MTURN: variants seen among roughly 807,000 people sequenced by gnomAD.
MTURN encodes the protein maturin.
MTURN carries 7 observed loss-of-function variants against 14.9 expected under a neutral mutation model. The observed-to-expected ratio is 0.47, with a 90% confidence interval of 0.27 to 0.88. MTURN has a LOEUF of 0.88. Ranked by LOEUF, MTURN falls within the 40% of genes least tolerant of loss-of-function variation. The pLI, the probability that MTURN is intolerant of heterozygous loss-of-function variation, is 0.14. For synonymous variants in MTURN, 69 were observed against 72.5 expected, an observed-to-expected ratio of 0.95 and a Z score of 0.25; for missense variants, 151 against 174.1, an observed-to-expected ratio of 0.87 and a Z score of 0.75.
intron 1 of MTURN, chr7:30,145,714 C>A: frequency 9.6e-7 from 1 of 1,036,392 alleles, no homozygotes; most frequent in Non-Finnish European, 1.3e-6. Context: ...ACTCACAGGC[C>A]GATCTGGGTA....
intron 1 of MTURN, among the ~76,000 whole-genome samples, chr7:30,143,551 G>C (rs182224098): frequency 6.6e-6 from 1 of 152,016 alleles, no homozygotes; most frequent in African/African-American, 2.4e-5. Flanking sequence ...GTGTACACCC[G>C]AATCTGAGTC....
chr7:30,145,704 A>T, intron 1 of MTURN: 2 of 881,342 alleles, frequency 2.3e-6, no homozygotes, highest in Non-Finnish European at 3.3e-6. Context: ...CACCACGCCT[A>T]CTCACAGGCC....
rs921778069 is a variant in MTURN, at chr7:30,162,490, T to G, written c.*4942T>G. The G allele has an allele frequency of 2.0e-4, 29 of 143,924 alleles. No homozygotes were observed. The highest frequency in any genetic ancestry group is 4.2e-4 in the South Asian group (2 of 4,746). The allele number at this position is 143,924 out of a possible 1,614,324, so 8.9% of individuals were successfully genotyped here. Reference sequence around the variant, plus strand: ...AGTTGTTGGGTTTTTGTTTTTTGGTTGTTGTTTTTTTTTTTTTTTAGGCAA... The same window carrying G: ...AGTTGTTGGGTTTTTGTTTTTTGGTGGTTGTTTTTTTTTTTTTTTAGGCAA... On this transcript the variant is annotated 3_prime_UTR_variant, in exon 3 of 3. Coordinates refer to ENST00000324453, the MANE Select transcript of MTURN (RefSeq NM_152793.3).
chr7:30,135,573 T>A (rs111733700), intron 1 of MTURN, among the ~76,000 whole-genome samples: 1 of 151,678 alleles, frequency 6.6e-6, no homozygotes, highest in African/African-American at 2.4e-5. Flanking sequence ...TAAAGGCCAC[T>A]CCTCTCCCCG....
chr7:30,146,119 A>G (rs1340256501), intron 1 of MTURN, 58 bp from the exon 2 acceptor site: 7 of 1,607,214 alleles, frequency 4.4e-6, no homozygotes, highest in Non-Finnish European at 6.0e-6. Flanking sequence ...TGAACTTCAC[A>G]CTGAGTGTAG....
chr7:30,142,727 G>T (rs118175482), intron 1 of MTURN, among the ~76,000 whole-genome samples: 3,703 of 152,138 alleles, frequency 0.024, 67 homozygotes, highest in Middle Eastern at 0.048. Context: ...CTTGAGAACC[G>T]CTTCCCTCTA....
chr7:30,142,774 C>T (rs1164023023), intron 1 of MTURN, among the ~76,000 whole-genome samples: 1 of 152,148 alleles, frequency 6.6e-6, no homozygotes, highest in Non-Finnish European at 1.5e-5. Context: ...TCCTTTAGTC[C>T]AAGGGAGTCC....
intron 2 of MTURN, among the ~76,000 whole-genome samples, chr7:30,148,714 T>C (rs1253300799): frequency 6.6e-6 from 1 of 151,234 alleles, no homozygotes; most frequent in Non-Finnish European, 1.5e-5. Flanking sequence ...CCTGAGTTTC[T>C]TGCCCAAGCA....
At position 30,135,000 on chromosome 7, in the gene MTURN, G is replaced by A; in HGVS notation, c.-137G>A. The A allele has an allele frequency of 1.4e-6, 1 of 721,586 alleles. No individual in the cohort carries two copies. The highest frequency in any genetic ancestry group is 1.7e-6 in the Non-Finnish European group (1 of 580,460). 44.7% of individuals were successfully genotyped at this position (721,586 alleles called of 1,614,324 possible). On this transcript the variant is annotated 5_prime_UTR_variant, in exon 1 of 3. An upstream start codon of the reference 5' UTR is lost. Coordinates refer to ENST00000324453, the MANE Select transcript of MTURN (RefSeq NM_152793.3). Reference sequence around the variant, plus strand: ...CCGCCCGCCCCACTCCGCACCGCATGTAAACAGTCCCAGCCGGCCCAGCCC... The same window carrying A: ...CCGCCCGCCCCACTCCGCACCGCATATAAACAGTCCCAGCCGGCCCAGCCC...
At chr7:30,154,357 A>G (rs146144504) in intron 2 of MTURN, among the ~76,000 whole-genome samples, 50 of 152,328 alleles carry the variant, frequency 3.3e-4, no homozygotes, top group African/African-American at 1.1e-3. Flanking sequence ...TTAATCCCCT[A>G]TAACGACCCA....
At chr7:30,145,866 C>T in intron 1 of MTURN, 1 of 1,551,106 alleles carries the variant, frequency 6.4e-7, no homozygotes, top group South Asian at 1.2e-5. Context: ...TTAGCCTGCA[C>T]AAGGTGAACA....
chr7:30,144,503 C>T (rs1163504300), intron 1 of MTURN, among the ~76,000 whole-genome samples: 1 of 152,172 alleles, frequency 6.6e-6, no homozygotes, highest in Non-Finnish European at 1.5e-5. Context: ...GGTGGTTTGA[C>T]AGCTTTAAGG....
intron 2 of MTURN, among the ~76,000 whole-genome samples, chr7:30,156,555 G>T (rs1797290686): frequency 1.3e-5 from 2 of 152,054 alleles, no homozygotes; most frequent in Admixed American, 1.3e-4. Context: ...GGTCAGGCAT[G>T]GTGGCTCACG....
chr7:30,162,260 T>G lies in MTURN; in HGVS notation c.*4712T>G, dbSNP rs1797385974. 2 of 152,226 alleles carry G rather than the reference T, an allele frequency of 1.3e-5. No homozygotes were observed. Among genetic ancestry groups the G allele is most frequent in the Admixed American group, 1.3e-4 (2 of 15,284 alleles). 9.4% of individuals were successfully genotyped at this position (152,226 alleles called of 1,614,324 possible). ...CTTTCCCTGTTTTTCTGTTTTGTTTTGTTTCTCAAGTTTCATTTTTTACTA... is the reference window on the plus strand; with the variant it reads ...CTTTCCCTGTTTTTCTGTTTTGTTTGGTTTCTCAAGTTTCATTTTTTACTA... On this transcript the variant is annotated 3_prime_UTR_variant, in exon 3 of 3. Coordinates refer to ENST00000324453, the MANE Select transcript of MTURN (RefSeq NM_152793.3).
rs1399853160 is a variant in MTURN at position 30,139,303 on chromosome 7, A to G, written c.162+4005A>G. ...CACTTTACATATGCCAACTCATTTAACTTTAGTACTCTCACATAATTATAT... is the reference window on the plus strand; with the variant it reads ...CACTTTACATATGCCAACTCATTTAGCTTTAGTACTCTCACATAATTATAT... On this transcript the variant is annotated intron_variant, in intron 1 of 2. Transcript: ENST00000324453. Among the ~76,000 whole-genome samples, 3 of 152,328 alleles carry G rather than the reference A, an allele frequency of 2.0e-5. No individual in the cohort carries two copies. In the East Asian group the frequency reaches 5.8e-4, roughly 29 times the overall value.
chr7:30,135,023 C>A lies in MTURN; in HGVS notation c.-114C>A. The A allele has an allele frequency of 1.1e-6, 1 of 940,978 alleles. No homozygotes were observed. The highest frequency in any genetic ancestry group is 1.3e-6 in the Non-Finnish European group (1 of 766,722). 58.3% of individuals were successfully genotyped at this position (940,978 alleles called of 1,614,324 possible). On this transcript the variant is annotated 5_prime_UTR_variant, in exon 1 of 3. Coordinates refer to ENST00000324453, the MANE Select transcript of MTURN (RefSeq NM_152793.3). ...ATGTAAACAGTCCCAGCCGGCCCAG[C>A]CCGGCCCCGGAGGAGCCCGCGCAGG...
At chr7:30,139,276 G>A (rs1047986950) in intron 1 of MTURN, among the ~76,000 whole-genome samples, 1 of 152,136 alleles carries the variant, frequency 6.6e-6, no homozygotes, top group African/African-American at 2.4e-5. Context: ...CGCTGCTCTC[G>A]GCACTTTACA....
intron 2 of MTURN, among the ~76,000 whole-genome samples, chr7:30,150,751 C>T (rs2128032891): frequency 6.6e-6 from 1 of 152,162 alleles, no homozygotes; most frequent in East Asian, 1.9e-4. Flanking sequence ...AGGGCTGGCC[C>T]AGGAGGAAGT....
intron 1 of MTURN, 172 bp from the exon 2 acceptor site, chr7:30,146,000 TTTTTC>T: frequency 6.5e-7 from 1 of 1,549,290 alleles, no homozygotes; most frequent in South Asian, 1.2e-5. Context: ...GATTAGACAT[TTTTTC>T]TTCCCTTTCA....
Sources: gnomAD v4.1 joint callset for allele counts (sites outside exome capture counted in the v4.1 genomes callset) on GRCh38, gnomAD v4.1.1 for gene constraint, MANE v1.5 for transcripts, NCBI Gene and HGNC (gene_info 2026-07-23, HGNC 2026-07-21) for gene names.